Variants in ARNT2 observed in about 807,000 individuals in gnomAD.
The protein encoded by ARNT2 is aryl hydrocarbon receptor nuclear translocator 2, also known as ARNT protein 2.
ARNT2 carries 36 observed loss-of-function variants against 91.7 expected under a neutral mutation model. That is an observed-to-expected ratio of 0.39 (90% confidence interval 0.30 to 0.52). ARNT2 has a LOEUF of 0.52. ARNT2 is among the 20% of genes least tolerant of loss of function. The probability of loss-of-function intolerance (pLI) is 0.72; values close to 1 mark genes in which losing one functional copy is unlikely to be tolerated. For missense variants in ARNT2, 775 were observed against 939.3 expected (o/e 0.83, Z 2.29); for synonymous variants, 365 against 347.1 (o/e 1.05, Z -0.57).
intron 5 of ARNT2, among the ~76,000 whole-genome samples, chr15:80,506,806 G>A (rs1474766711): frequency 6.6e-6 from 1 of 152,220 alleles, no homozygotes; most frequent in African/African-American, 2.4e-5. Flanking sequence ...AACATGGGGT[G>A]GGGAGGAGCT....
chr15:80,435,071 C>G (rs1286940725), intron 1 of ARNT2, among the ~76,000 whole-genome samples: 1 of 152,094 alleles, frequency 6.6e-6, no homozygotes, highest in Non-Finnish European at 1.5e-5. Flanking sequence ...GTACCACTCT[C>G]CACGCTCACT....
At chr15:80,416,089 A>G (rs899305874) in intron 1 of ARNT2, among the ~76,000 whole-genome samples, 4 of 152,232 alleles carry the variant, frequency 2.6e-5, no homozygotes, top group African/African-American at 4.8e-5. Context: ...GAATGACTGA[A>G]TGAATTGGTC....
intron 1 of ARNT2, among the ~76,000 whole-genome samples, chr15:80,424,209 G>A (rs1895902341): frequency 6.6e-6 from 1 of 152,182 alleles, no homozygotes; most frequent in African/African-American, 2.4e-5. Context: ...ACTTACCTGG[G>A]CCGCAAGGAC....
chr15:80,551,118 T>TTAAATAAAATCGTGGACAC (rs1898073284), intron 8 of ARNT2, 81 bp from the exon 9 acceptor site: 1 of 1,414,654 alleles, frequency 7.1e-7, no homozygotes, highest in South Asian at 1.2e-5. Flanking sequence ...TTTCGATTGC[T>TTAAATAAAATCGTGGACAC]TAAATAAAAT....
intron 1 of ARNT2, among the ~76,000 whole-genome samples, chr15:80,428,127 G>A (rs1895958442): frequency 2.0e-5 from 3 of 152,246 alleles, no homozygotes; most frequent in South Asian, 2.1e-4. Context: ...GAATGACTGA[G>A]TGGAAGACTC....
At chr15:80,579,632 G>C (rs937626905) in intron 15 of ARNT2, among the ~76,000 whole-genome samples, 9 of 152,188 alleles carry the variant, frequency 5.9e-5, no homozygotes, top group Non-Finnish European at 7.3e-5. Flanking sequence ...GGAGGCAGGA[G>C]GAGGGGCCTG....
chr15:80,529,433 C>T (rs1298205773), intron 8 of ARNT2, among the ~76,000 whole-genome samples: 1 of 152,132 alleles, frequency 6.6e-6, no homozygotes, highest in Non-Finnish European at 1.5e-5. Flanking sequence ...AAAGTACCTA[C>T]AGATCAGCAT....
chr15:80,546,476 G>A (rs915481351), intron 8 of ARNT2, among the ~76,000 whole-genome samples: 5 of 152,234 alleles, frequency 3.3e-5, no homozygotes, highest in Non-Finnish European at 5.9e-5. Flanking sequence ...TGTAAATGAT[G>A]TATGTCACTA....
At chr15:80,482,409 C>T (rs1394237466) in intron 5 of ARNT2, among the ~76,000 whole-genome samples, 6 of 152,170 alleles carry the variant, frequency 3.9e-5, no homozygotes, top group Non-Finnish European at 5.9e-5. Context: ...GTCTGGGGCT[C>T]ATCAAGGTCC....
chr15:80,593,922 T>C lies in ARNT2; in HGVS notation c.*224T>C. Reference sequence around the variant, plus strand: ...GCCCTGGCAGACATTAGGGGATCAGTTGTATTTATTGTATTTTATCTGTGT... The same window carrying C: ...GCCCTGGCAGACATTAGGGGATCAGCTGTATTTATTGTATTTTATCTGTGT... On this transcript the variant is annotated 3_prime_UTR_variant, in exon 19 of 19. Coordinates refer to ENST00000303329, the MANE Select transcript of ARNT2 (RefSeq NM_014862.4). 3.6e-6 allele frequency: 2 copies of C among 549,958 alleles called. No homozygotes were observed. The highest frequency in any genetic ancestry group is 3.0e-5 in the East Asian group (1 of 33,346). The allele number at this position is 549,958 out of a possible 1,614,324, so 34.1% of individuals were successfully genotyped here.
chr15:80,574,889 GA>G lies in ARNT2; in HGVS notation c.1390-97del, dbSNP rs939644907. 2.8e-6 allele frequency: 4 copies of G among 1,415,278 alleles called. No individual in the cohort carries two copies. The African/African-American group carries it at 5.7e-5, about 20-fold the overall frequency. 87.7% of individuals were successfully genotyped at this position (1,415,278 alleles called of 1,614,324 possible). On this transcript the variant is annotated intron_variant, in intron 13 of 18. Coordinates refer to ENST00000303329, the MANE Select transcript of ARNT2 (RefSeq NM_014862.4). ...CCCAAAATGCCAGTGATTCCAGAGG[GA>G]GGGGGCTCTGATGAAGGAGAGCTGG...
At chr15:80,587,267 A>G (rs896140174) in intron 17 of ARNT2, among the ~76,000 whole-genome samples, 3 of 151,866 alleles carry the variant, frequency 2.0e-5, no homozygotes, top group Admixed American at 6.6e-5. Flanking sequence ...TTTAGGCTGG[A>G]TAATTCTTTG....
intron 8 of ARNT2, among the ~76,000 whole-genome samples, chr15:80,544,259 GC>G (rs1897956870): frequency 6.6e-6 from 1 of 152,184 alleles, no homozygotes; most frequent in Admixed American, 6.5e-5. Flanking sequence ...GTATTTTCCA[GC>G]TTTGTTTCAT....
intron 12 of ARNT2, among the ~76,000 whole-genome samples, chr15:80,573,182 A>G (rs1250051531): frequency 6.6e-6 from 1 of 152,228 alleles, no homozygotes; most frequent in Non-Finnish European, 1.5e-5. Context: ...ATTTTTACCA[A>G]CTTAGCAGTT....
intron 5 of ARNT2, among the ~76,000 whole-genome samples, chr15:80,488,305 C>A (rs78092054): frequency 0.01 from 1,537 of 152,288 alleles, 18 homozygotes; most frequent in African/African-American, 0.035. Context: ...CTTGAGAATG[C>A]TAAATCTTGC....
intron 5 of ARNT2, among the ~76,000 whole-genome samples, chr15:80,498,194 TC>T (rs1236695472): frequency 6.6e-6 from 1 of 152,206 alleles, no homozygotes; most frequent in Non-Finnish European, 1.5e-5. Flanking sequence ...ACTCCCTCCT[TC>T]CTGCCTGGAA....
intron 1 of ARNT2, among the ~76,000 whole-genome samples, chr15:80,445,663 G>A (rs1896287222): frequency 6.6e-6 from 1 of 151,968 alleles, no homozygotes; most frequent in Admixed American, 6.6e-5. Flanking sequence ...GCTCCGCACA[G>A]GGAGACCCGA....
chr15:80,528,324 G>A (rs779362319), intron 8 of ARNT2, among the ~76,000 whole-genome samples: 30 of 152,164 alleles, frequency 2.0e-4, no homozygotes, highest in Non-Finnish European at 8.8e-5. Context: ...AAAGTCATCT[G>A]AGGCTTTGCA....
At chr15:80,476,798 A>G (rs1264828087) in intron 5 of ARNT2, among the ~76,000 whole-genome samples, 7 of 152,254 alleles carry the variant, frequency 4.6e-5, no homozygotes, top group African/African-American at 1.7e-4. Context: ...ACAAAATACA[A>G]TAAACCGAAT....
Sources: allele counts gnomAD v4.1 joint callset (sites outside exome capture counted in the v4.1 genomes callset), GRCh38; gene constraint gnomAD v4.1.1; transcripts MANE v1.5; gene names NCBI Gene and HGNC (gene_info 2026-07-23, HGNC 2026-07-21).